The following ABCA4 variants were observed in gnomAD, a reference collection of about 807,000 sequenced individuals.
ABCA4 encodes the protein ATP binding cassette subfamily A member 4.
Under a neutral mutation model 263.7 loss-of-function variants are expected in ABCA4, and 196 were observed. That is an observed-to-expected ratio of 0.74 (90% CI 0.66 to 0.84). The LOEUF (loss-of-function observed/expected upper bound fraction) is 0.84, where lower values mean the gene tolerates loss of function less well. Among genes scored for constraint, ABCA4 ranks in the 40% least tolerant of loss-of-function variants. ABCA4 has a pLI of 0.00. For missense variants in ABCA4, 2,792 were observed against 2,855.1 expected (o/e 0.98, Z 0.50); for synonymous variants, 1,133 against 1,094.2 (o/e 1.04, Z -0.70).
At position 94,064,863 on chromosome 1, in the gene ABCA4, A is replaced by T. The variant is rs565548028; in HGVS notation, c.1555-1546T>A. ...AGTTCTGGGCAGGCCTTAAACAGCC[A>T]CAGAAGCTAATGTAGGGTTTTGAGC... is the stretch of plus-strand genomic sequence containing the variant. On this transcript the variant is annotated intron_variant, in intron 11 of 49. Coordinates refer to ENST00000370225, the MANE Select transcript of ABCA4 (RefSeq NM_000350.3). Among the ~76,000 whole-genome samples the T allele has an allele frequency of 3.9e-5, 6 of 152,222 alleles. No individual in the cohort carries two copies. In the East Asian group the frequency reaches 1.2e-3, roughly 30 times the overall value.
intron 32 of ABCA4, among the ~76,000 whole-genome samples, 176 bp downstream of exon 32, chr1:94,023,210 T>C (rs1484385641): frequency 6.6e-6 from 1 of 152,198 alleles, no homozygotes; most frequent in Non-Finnish European, 1.5e-5. Context: ...CCACTGAGTG[T>C]CTTCTGAGTC....
chr1:94,120,339 G>C (rs1662914667), intron 1 of ABCA4, among the ~76,000 whole-genome samples: 1 of 152,168 alleles, frequency 6.6e-6, no homozygotes, highest in African/African-American at 2.4e-5. Context: ...TCTGCTCATT[G>C]AAAGAGTTCA....
intron 6 of ABCA4, among the ~76,000 whole-genome samples, chr1:94,093,672 T>C (rs975742652): frequency 6.6e-6 from 1 of 152,192 alleles, no homozygotes; most frequent in Non-Finnish European, 1.5e-5. Context: ...TGATCTGTCA[T>C]GAAAATAAGC....
At chr1:94,051,462 T>C (rs1019931412) in intron 17 of ABCA4, among the ~76,000 whole-genome samples, 171 bp downstream of exon 17, 2 of 152,164 alleles carry the variant, frequency 1.3e-5, no homozygotes, top group Non-Finnish European at 2.9e-5. Flanking sequence ...TTGTGAAAGG[T>C]GGTCCCCCAG....
rs370646649 is a variant in ABCA4, at chr1:94,075,226, A to G, written c.1554+2464T>C. 6.4e-4 allele frequency among the ~76,000 whole-genome samples: 98 copies of G among 152,188 alleles called. 1 individual carries two copies. In the South Asian group the frequency reaches 0.016, roughly 25 times the overall value. On this transcript the variant is annotated intron_variant, in intron 11 of 49. Transcript: ENST00000370225. Reference sequence around the variant, plus strand: ...ATAGCTAATGCATGTGGGGCTTAAAACCTAGATGATGGGTTGACAAGTGCA... The same window carrying G: ...ATAGCTAATGCATGTGGGGCTTAAAGCCTAGATGATGGGTTGACAAGTGCA...
At chr1:94,033,574 T>G (rs1660265678) in intron 26 of ABCA4, among the ~76,000 whole-genome samples, 1 of 152,222 alleles carries the variant, frequency 6.6e-6, no homozygotes, top group Non-Finnish European at 1.5e-5. Context: ...AATGCTCATT[T>G]GCTGAACAAC....
intron 18 of ABCA4, among the ~76,000 whole-genome samples, chr1:94,047,937 C>G (rs539435): frequency 0.76 from 115,586 of 152,150 alleles, 44,079 homozygotes; most frequent in East Asian, 0.88. Flanking sequence ...CTAAGCATTT[C>G]TTTCCCTAGG....
chr1:94,066,111 T>C (rs1432492641), intron 11 of ABCA4, among the ~76,000 whole-genome samples: 1 of 152,196 alleles, frequency 6.6e-6, no homozygotes, highest in Non-Finnish European at 1.5e-5. Flanking sequence ...GGATAAATAG[T>C]TTGGGTCTGT....
intron 1 of ABCA4, among the ~76,000 whole-genome samples, chr1:94,114,776 C>G (rs181797841): frequency 6.6e-6 from 1 of 152,206 alleles, no homozygotes; most frequent in Non-Finnish European, 1.5e-5. Flanking sequence ...CGTGAGCCAC[C>G]GCGCCTGGCC....
At chr1:94,099,106 C>T in intron 5 of ABCA4, 115 bp from the exon 6 acceptor site, 1 of 1,195,640 alleles carries the variant, frequency 8.4e-7, no homozygotes. Flanking sequence ...ATTAAGATCG[C>T]AGATGGGATT....
intron 4 of ABCA4, among the ~76,000 whole-genome samples, chr1:94,103,392 A>C (rs1368968818): frequency 6.6e-6 from 1 of 152,162 alleles, no homozygotes; most frequent in Non-Finnish European, 1.5e-5. Context: ...TGGGGGTGTC[A>C]GATGCTTTGT....
chr1:94,076,659 T>C (rs1451489836), intron 11 of ABCA4, among the ~76,000 whole-genome samples: 1 of 152,014 alleles, frequency 6.6e-6, no homozygotes, highest in Non-Finnish European at 1.5e-5. Context: ...CCTGTGTTAT[T>C]TGGGGGTCGA....
At chr1:94,117,123 A>G (rs973633856) in intron 1 of ABCA4, among the ~76,000 whole-genome samples, 1 of 148,590 alleles carries the variant, frequency 6.7e-6, no homozygotes, top group African/African-American at 2.5e-5. Context: ...TTACCATTCA[A>G]TCAACATGGG....
chr1:94,016,490 G>A (rs1313063592), intron 36 of ABCA4, among the ~76,000 whole-genome samples: 1 of 152,190 alleles, frequency 6.6e-6, no homozygotes, highest in African/African-American at 2.4e-5. Flanking sequence ...GAGGCAGCTG[G>A]AGCAGGGAGA....
chr1:94,075,516 C>T (rs749734596), intron 11 of ABCA4, among the ~76,000 whole-genome samples: 7 of 152,058 alleles, frequency 4.6e-5, no homozygotes, highest in Non-Finnish European at 7.4e-5. Context: ...GTTTGGAGAG[C>T]GAGGGTCACA....
chr1:94,058,657 C>T (rs1661044356), intron 14 of ABCA4, among the ~76,000 whole-genome samples: 2 of 152,230 alleles, frequency 1.3e-5, no homozygotes, highest in Non-Finnish European at 1.5e-5. Context: ...CCACCACGCC[C>T]AGCCTGAAAT....
intron 30 of ABCA4, among the ~76,000 whole-genome samples, chr1:94,028,915 A>AC (rs1660113207): frequency 1.3e-5 from 2 of 148,932 alleles, no homozygotes; most frequent in Non-Finnish European, 3.0e-5. Context: ...TCAAAAAAAA[A>AC]AAAAAAAAAA....
rs1659046954 is a variant in ABCA4 at position 93,997,681 on chromosome 1, T to C, written c.6729+180A>G. Among the ~76,000 whole-genome samples the C allele has an allele frequency of 2.0e-5, 3 of 152,234 alleles. No homozygotes were observed. The South Asian group carries it at 6.2e-4, about 31-fold the overall frequency. On this transcript the variant is annotated intron_variant, in intron 48 of 49. Coordinates refer to ENST00000370225, the MANE Select transcript of ABCA4 (RefSeq NM_000350.3). ...AAAAAGAATCAATGAAGTTTCCTGATGACTAAAAAATATTGTTAGAAAACA... is the reference window on the plus strand; with the variant it reads ...AAAAAGAATCAATGAAGTTTCCTGACGACTAAAAAATATTGTTAGAAAACA...
chr1:94,040,777 T>A (rs749129898), intron 23 of ABCA4, among the ~76,000 whole-genome samples: 32 of 152,170 alleles, frequency 2.1e-4, no homozygotes, highest in Non-Finnish European at 4.3e-4. Flanking sequence ...GGTTGGTACT[T>A]TTTGCCTTCA....
Sources: allele counts gnomAD v4.1 joint callset (sites outside exome capture counted in the v4.1 genomes callset), GRCh38; gene constraint gnomAD v4.1.1; transcripts MANE v1.5; gene names NCBI Gene and HGNC (gene_info 2026-07-23, HGNC 2026-07-21).